PDCD2L: variants seen among roughly 807,000 people sequenced by gnomAD.
PDCD2L encodes the protein uS5 assembly chaperone PDCD2L.
A neutral mutation model predicts 40.4 loss-of-function variants in PDCD2L; 44 were observed. That is an observed-to-expected ratio of 1.09 (90% confidence interval 0.86 to 1.40). The LOEUF (loss-of-function observed/expected upper bound fraction) is 1.40. PDCD2L is among the 40% of genes most tolerant of loss of function. PDCD2L has a pLI of 0.00. For synonymous variants in PDCD2L, 194 were observed against 174.6 expected, an observed-to-expected ratio of 1.11 and a Z score of -0.88; for missense variants, 470 against 453.7, an observed-to-expected ratio of 1.04 and a Z score of -0.33.
chr19:34,425,107 C>T (rs1003717701), intron 6 of PDCD2L, among the ~76,000 whole-genome samples: 3 of 151,930 alleles, frequency 2.0e-5, no homozygotes, highest in South Asian at 2.1e-4. Flanking sequence ...TCATTGCCTA[C>T]GTCATCCTCT....
chr19:34,416,971 G>A (rs1312122394), intron 5 of PDCD2L, among the ~76,000 whole-genome samples: 3 of 152,116 alleles, frequency 2.0e-5, no homozygotes, highest in East Asian at 3.9e-4. Context: ...AAAATTAGCC[G>A]GGCGTGGTGG....
rs776052399 is a variant in PDCD2L at position 34,410,121 on chromosome 19, G to C, written c.686+611G>C. 7.2e-5 allele frequency among the ~76,000 whole-genome samples: 11 copies of C among 152,192 alleles called. No individual in the cohort carries two copies. The South Asian group carries it at 2.3e-3, about 32-fold the overall frequency. On this transcript the variant is annotated intron_variant, in intron 4 of 6. Transcript: ENST00000246535. ...TTTTGCTTATTGATTGACTGAGAGA[G>C]ACAGGGTCTCACTCTGTCACCCACG...
At chr19:34,417,328 G>C (rs897138821) in intron 5 of PDCD2L, among the ~76,000 whole-genome samples, 8 of 151,918 alleles carry the variant, frequency 5.3e-5, no homozygotes, top group Admixed American at 5.2e-4. Context: ...AAGGAACACT[G>C]GCCGGGTGTG....
At position 34,404,698 on chromosome 19, in the gene PDCD2L, G is replaced by C. The variant is rs1192715362; in HGVS notation, c.158G>C (p.Gly53Ala). 2 of 1,612,050 alleles carry C rather than the reference G, an allele frequency of 1.2e-6. No individual in the cohort carries two copies. Among genetic ancestry groups the C allele is most frequent in the Non-Finnish European group, 1.7e-6 (2 of 1,179,822 alleles). ...AAPRPVCQRC[G>A]QPLALVVQVY... ...CCCAGGCCCGTGTGTCAGCGCTGCG[G>C]GCAGCCGCTCGCTCTGGTCGTGCAG... The change falls in exon 2 of 7, where the codon GGG (glycine) becomes GCG (alanine). Residue 53 changes from glycine (G) to alanine (A), a missense_variant. Coordinates refer to ENST00000246535, the MANE Select transcript of PDCD2L (RefSeq NM_032346.2).
rs1264054511 is a variant in PDCD2L at position 34,410,759 on chromosome 19, ATT to A, written c.686+1254_686+1255del. Among the ~76,000 whole-genome samples the A allele has an allele frequency of 7.5e-4, 39 of 51,766 alleles. 1 individual carries two copies. The highest frequency in any genetic ancestry group is 4.7e-3 in the East Asian group (7 of 1,476). The allele number at this position is 51,766 out of a possible 152,430, so 34.0% of individuals were successfully genotyped here. A position where few individuals can be genotyped will look rare whatever the true frequency, so the allele number is the denominator to read the frequency against. ...GAATTGATGGTTATAAGGACTTTTT[ATT>A]TTTTATTTATTTATTTATTTATTTA... On this transcript the variant is annotated intron_variant, in intron 4 of 6. Transcript: ENST00000246535.
At chr19:34,415,921 A>G (rs1332748808) in intron 5 of PDCD2L, among the ~76,000 whole-genome samples, 2 of 152,094 alleles carry the variant, frequency 1.3e-5, no homozygotes, top group African/African-American at 2.4e-5. Flanking sequence ...TGAGTCCACA[A>G]AGAATTTTCT....
intron 2 of PDCD2L, 54 bp downstream of exon 2, chr19:34,404,869 G>A (rs2075066312): frequency 1.9e-6 from 3 of 1,609,738 alleles, no homozygotes; most frequent in African/African-American, 1.3e-5. Flanking sequence ...AGCGGGCTGG[G>A]GCGGGCCGGC....
chr19:34,425,149 G>A (rs2145476154), intron 6 of PDCD2L, among the ~76,000 whole-genome samples: 1 of 152,048 alleles, frequency 6.6e-6, no homozygotes, highest in Non-Finnish European at 1.5e-5. Context: ...AATATCAGGA[G>A]TTCTTATTGC....
At chr19:34,423,163 T>C (rs1390987884) in intron 6 of PDCD2L, among the ~76,000 whole-genome samples, 1 of 152,164 alleles carries the variant, frequency 6.6e-6, no homozygotes, top group Non-Finnish European at 1.5e-5. Context: ...AGGAAATTTA[T>C]ACCCTATTCC....
In PDCD2L at chr19:34,404,693, C is replaced by G. The variant is rs1357064548; in HGVS notation, c.153C>G (p.Arg51=). 6.2e-7 allele frequency: 1 copy of G among 1,612,158 alleles called. No homozygotes were observed. Among genetic ancestry groups the G allele is most frequent in the South Asian group, 1.1e-5 (1 of 91,072 alleles). The change falls in exon 2 of 7, where the codon CGC becomes CGG. Residue 51 remains arginine (R), a synonymous_variant. Coordinates refer to ENST00000246535, the MANE Select transcript of PDCD2L (RefSeq NM_032346.2). Reference sequence around the variant, plus strand: ...CTGCGCCCAGGCCCGTGTGTCAGCGCTGCGGGCAGCCGCTCGCTCTGGTCG... The same window carrying G: ...CTGCGCCCAGGCCCGTGTGTCAGCGGTGCGGGCAGCCGCTCGCTCTGGTCG... ...TVAAPRPVCQ[R]CGQPLALVVQ...
At chr19:34,419,975 G>A (rs960596884) in intron 5 of PDCD2L, among the ~76,000 whole-genome samples, 2 of 151,038 alleles carry the variant, frequency 1.3e-5, no homozygotes, top group Non-Finnish European at 3.0e-5. Flanking sequence ...ACTATGTCTG[G>A]CTAATTTTTG....
chr19:34,421,389 C>A, intron 5 of PDCD2L, 130 bp from the exon 6 acceptor site: 1 of 995,800 alleles, frequency 1.0e-6, no homozygotes, highest in Non-Finnish European at 1.5e-6. Flanking sequence ...GCTTTACAGC[C>A]ATGGTGCTAG....
At chr19:34,425,891 CTAAT>C in intron 6 of PDCD2L, 95 bp from the exon 7 acceptor site, 1 of 1,254,302 alleles carries the variant, frequency 8.0e-7, no homozygotes, top group Non-Finnish European at 1.1e-6. Context: ...TTTGCTTTAC[CTAAT>C]TACTTTTTCA....
At position 34,419,985 on chromosome 19, in the gene PDCD2L, G is replaced by GTAT. The variant is rs1337341903; in HGVS notation, c.798-1520_798-1518dup. Among the ~76,000 whole-genome samples the GTAT allele has an allele frequency of 4.0e-5, 6 of 151,058 alleles. No homozygotes were observed. In the East Asian group the frequency reaches 7.8e-4, roughly 20 times the overall value. The stretch of plus-strand genomic sequence containing the variant: ...ATTACACTATGTCTGGCTAATTTTT[G>GTAT]TATTATTATTATTATTCGAGACAGA... On this transcript the variant is annotated intron_variant, in intron 5 of 6. Coordinates refer to ENST00000246535, the MANE Select transcript of PDCD2L (RefSeq NM_032346.2).
chr19:34,405,952 G>T (rs1317727159), intron 3 of PDCD2L, among the ~76,000 whole-genome samples: 1 of 151,942 alleles, frequency 6.6e-6, no homozygotes, highest in Non-Finnish European at 1.5e-5. Flanking sequence ...AGCAGTCTGG[G>T]CAACATAGCA....
chr19:34,413,134 G>A (rs1215655873), intron 4 of PDCD2L, among the ~76,000 whole-genome samples: 3 of 151,864 alleles, frequency 2.0e-5, no homozygotes, highest in South Asian at 4.1e-4. Context: ...CATCTCCTGG[G>A]TTCAAGTGAT....
At chr19:34,411,486 C>A (rs1436870710) in intron 4 of PDCD2L, among the ~76,000 whole-genome samples, 3 of 151,812 alleles carry the variant, frequency 2.0e-5, no homozygotes, top group African/African-American at 7.3e-5. Context: ...CCCACGTGAT[C>A]CGCCCACCTC....
Position 34,426,056 on chromosome 19 carries a change from A to G in PDCD2L, c.1013A>G (p.His338Arg). 3 of 1,610,034 alleles carry G rather than the reference A, an allele frequency of 1.9e-6. No homozygotes were observed. The highest frequency in any genetic ancestry group is 2.2e-5 in the East Asian group (1 of 44,824). Residue 338 changes from histidine (H) to arginine (R), a missense_variant, in exon 7 of 7, where the codon CAT (histidine) becomes CGT (arginine). By Grantham distance (29) the His-to-Arg change is conservative (BLOSUM62 0). Coordinates refer to ENST00000246535, the MANE Select transcript of PDCD2L (RefSeq NM_032346.2). Reference sequence around the variant, plus strand: ...GAGAAGAGTTGCTGGCCCCCAAATCATCAGACTCCCATGGAAGAATTTTGT... The same window carrying G: ...GAGAAGAGTTGCTGGCCCCCAAATCGTCAGACTCCCATGGAAGAATTTTGT... Reference protein sequence around the residue: ...TCEKSCWPPNHQTPMEEFCII... With the variant: ...TCEKSCWPPNRQTPMEEFCII...
At chr19:34,419,356 T>C (rs1408582139) in intron 5 of PDCD2L, among the ~76,000 whole-genome samples, 1 of 152,162 alleles carries the variant, frequency 6.6e-6, no homozygotes, top group African/African-American at 2.4e-5. Flanking sequence ...GGTTTCGCTA[T>C]GTTGGCCAGG....
Sources: allele counts gnomAD v4.1 joint callset (sites outside exome capture counted in the v4.1 genomes callset), GRCh38; gene constraint gnomAD v4.1.1; transcripts MANE v1.5; gene names NCBI Gene and HGNC (gene_info 2026-07-23, HGNC 2026-07-21).